Variants in RBPJ observed in about 807,000 individuals in gnomAD.
The protein encoded by RBPJ is recombining binding protein suppressor of hairless.
A neutral mutation model predicts 67.8 loss-of-function variants in RBPJ; 9 were observed. That is an observed-to-expected ratio of 0.13 (90% CI 0.08 to 0.23). The LOEUF (loss-of-function observed/expected upper bound fraction) is 0.23. RBPJ is among the 10% of genes least tolerant of loss of function. RBPJ has a pLI of 1.00. For missense variants in RBPJ, 305 were observed against 595.6 expected (o/e 0.51, Z 5.08); for synonymous variants, 198 against 203.3 (o/e 0.97, Z 0.22).
chr4:26,398,580 A>T (rs1412522759), intron 2 of RBPJ, among the ~76,000 whole-genome samples: 1 of 152,104 alleles, frequency 6.6e-6, no homozygotes, highest in Admixed American at 6.5e-5. Flanking sequence ...AGCCAATCTC[A>T]CCCCACCCTG....
chr4:26,189,479 A>G (rs4692426), intron 1 of RBPJ, among the ~76,000 whole-genome samples: 109,866 of 151,896 alleles, frequency 0.72, 40,609 homozygotes, highest in African/African-American at 0.87. Context: ...CCAACATGGT[A>G]AAACCCTGTC....
chr4:26,414,087 T>A (rs1350917346), intron 3 of RBPJ, among the ~76,000 whole-genome samples: 1 of 152,032 alleles, frequency 6.6e-6, no homozygotes, highest in Non-Finnish European at 1.5e-5. Context: ...CTAATAACAG[T>A]ACAAGAAGTG....
chr4:26,167,016 A>G (rs1427091485), intron 1 of RBPJ, among the ~76,000 whole-genome samples: 4 of 152,204 alleles, frequency 2.6e-5, no homozygotes, highest in African/African-American at 9.6e-5. Context: ...GTCAAAGATC[A>G]GATAGTTGTA....
At chr4:26,297,849 A>C (rs201738903) in intron 1 of RBPJ, among the ~76,000 whole-genome samples, 4 of 152,058 alleles carry the variant, frequency 2.6e-5, no homozygotes, top group Admixed American at 6.5e-5. Flanking sequence ...ACAAAAAAAA[A>C]CCACCACCCA....
intron 3 of RBPJ, chr4:26,409,978 G>A (rs1271798373): frequency 2.3e-6 from 1 of 435,922 alleles, no homozygotes; most frequent in Admixed American, 2.7e-5. Context: ...TTTCAAAGTA[G>A]ACCTGCATTA....
intron 1 of RBPJ, among the ~76,000 whole-genome samples, chr4:26,257,561 G>A (rs1013203908): frequency 1.3e-5 from 2 of 152,194 alleles, no homozygotes; most frequent in Non-Finnish European, 2.9e-5. Flanking sequence ...CCTGGGAGGT[G>A]GAGCTTGCAG....
intron 2 of RBPJ, among the ~76,000 whole-genome samples, chr4:26,396,291 A>G (rs1732108669): frequency 6.6e-6 from 1 of 152,264 alleles, no homozygotes; most frequent in Admixed American, 6.5e-5. Flanking sequence ...CATATTAAAA[A>G]GGGTTGCAAA....
At chr4:26,284,256 T>C (rs1035081557) in intron 1 of RBPJ, among the ~76,000 whole-genome samples, 1 of 152,218 alleles carries the variant, frequency 6.6e-6, no homozygotes, top group African/African-American at 2.4e-5. Flanking sequence ...GAACATGCTC[T>C]AATGTATTTC....
rs141949936 is a variant in RBPJ, at chr4:26,271,137, C to T, written c.-166-91309C>T. Reference sequence around the variant, plus strand: ...CCCAGGCTGGTCTCAAACTCCCAGGCTCAAGCTCTCCTCCTGGCCCAGCCT... The same window carrying T: ...CCCAGGCTGGTCTCAAACTCCCAGGTTCAAGCTCTCCTCCTGGCCCAGCCT... On this transcript the variant is annotated intron_variant, in intron 1 of 4. Coordinates refer to the RBPJ transcript ENST00000512351. 1.9e-3 allele frequency among the ~76,000 whole-genome samples: 284 copies of T among 152,254 alleles called. 5 individuals carry two copies. Among genetic ancestry groups the T allele is most frequent in the African/African-American group, 6.2e-3 (258 of 41,554 alleles).
intron 1 of RBPJ, among the ~76,000 whole-genome samples, chr4:26,353,609 CTTT>C (rs5856939): frequency 1.4e-4 from 18 of 127,676 alleles, no homozygotes; most frequent in Admixed American, 2.4e-4. Context: ...TCACAGTATT[CTTT>C]TTTTTTTTTT....
At chr4:26,189,082 G>A (rs192166691) in intron 1 of RBPJ, among the ~76,000 whole-genome samples, 3 of 152,236 alleles carry the variant, frequency 2.0e-5, no homozygotes, top group Non-Finnish European at 2.9e-5. Context: ...GCTGGGCAAA[G>A]GGCTCACATC....
chr4:26,210,960 A>T (rs1377681509), intron 1 of RBPJ, among the ~76,000 whole-genome samples: 2 of 151,882 alleles, frequency 1.3e-5, no homozygotes, highest in East Asian at 3.9e-4. Context: ...CTCCTTAAGT[A>T]GTCCATAAGC....
intron 1 of RBPJ, among the ~76,000 whole-genome samples, chr4:26,289,100 A>C (rs1721574675): frequency 6.6e-6 from 1 of 150,950 alleles, no homozygotes; most frequent in African/African-American, 2.4e-5. Flanking sequence ...ATGTTTAAGA[A>C]AGAAAGAGGA....
chr4:26,281,966 C>T (rs1344316828), intron 1 of RBPJ, among the ~76,000 whole-genome samples: 1 of 152,154 alleles, frequency 6.6e-6, no homozygotes, highest in Non-Finnish European at 1.5e-5. Context: ...AAATAAAGTG[C>T]TTCATTCTTT....
At chr4:26,422,508 GAAT>G (rs773882305) in intron 5 of RBPJ, among the ~76,000 whole-genome samples, 3 of 152,150 alleles carry the variant, frequency 2.0e-5, no homozygotes, top group Non-Finnish European at 4.4e-5. Context: ...CTCATTTGCA[GAAT>G]AATAACATTC....
intron 4 of RBPJ, among the ~76,000 whole-genome samples, chr4:26,418,877 C>T (rs939552003): frequency 2.0e-5 from 3 of 152,084 alleles, no homozygotes; most frequent in Admixed American, 6.5e-5. Flanking sequence ...AGAGTATGGC[C>T]GACCTATGGG....
At chr4:26,350,085 T>C (rs1726642246) in intron 1 of RBPJ, among the ~76,000 whole-genome samples, 1 of 152,250 alleles carries the variant, frequency 6.6e-6, no homozygotes. Context: ...AGAGTGCCTG[T>C]CGTGTAAGAC....
At chr4:26,166,050 T>G (rs2109111541) in intron 1 of RBPJ, among the ~76,000 whole-genome samples, 1 of 150,950 alleles carries the variant, frequency 6.6e-6, no homozygotes, top group Middle Eastern at 3.4e-3. Flanking sequence ...CATGAACTCA[T>G]CATTTTTTAT....
chr4:26,169,880 T>C (rs1368517497), intron 1 of RBPJ, among the ~76,000 whole-genome samples: 1 of 152,164 alleles, frequency 6.6e-6, no homozygotes, highest in African/African-American at 2.4e-5. Context: ...CTCTGAGCCA[T>C]GTGCGGGATA....
Sources: allele counts gnomAD v4.1 joint callset (sites outside exome capture counted in the v4.1 genomes callset), GRCh38; gene constraint gnomAD v4.1.1; transcripts MANE v1.5; gene names NCBI Gene and HGNC (gene_info 2026-07-23, HGNC 2026-07-21).